Variants in EFHC1 observed in about 807,000 individuals in gnomAD.
EFHC1 encodes EF-hand domain containing 1, also known as EF-hand domain-containing protein 1.
In EFHC1, 53 loss-of-function variants were observed where a neutral mutation model predicts 69.9. That is an observed-to-expected ratio of 0.76 (90% confidence interval 0.61 to 0.95). The LOEUF is 0.95. EFHC1 is among the 40% of genes least tolerant of loss of function. EFHC1 has a pLI of 0.00. For missense variants in EFHC1, 739 were observed against 798.7 expected (o/e 0.93, Z 0.90); for synonymous variants, 256 against 278.4 (o/e 0.92, Z 0.80).
Position 52,493,645 on chromosome 6 carries a change from G to C in EFHC1, c.*1304G>C, listed in dbSNP as rs556879521. 2.2e-5 allele frequency: 10 copies of C among 449,344 alleles called. No homozygotes were observed. The highest frequency in any genetic ancestry group is 6.2e-5 in the African/African-American group (3 of 48,246). 27.8% of individuals were successfully genotyped at this position (449,344 alleles called of 1,614,324 possible). ...CCATCCAGCCTGGGTGACAGAGCAA[G>C]ACTCCATCTCAAAAAAAAAAAGGTT... is the stretch of plus-strand genomic sequence containing the variant. On this transcript the variant is annotated 3_prime_UTR_variant, in exon 11 of 11. Coordinates refer to ENST00000371068, the MANE Select transcript of EFHC1 (RefSeq NM_018100.4).
chr6:52,447,616 G>A (rs1305793418), intron 3 of EFHC1, among the ~76,000 whole-genome samples: 1 of 152,216 alleles, frequency 6.6e-6, no homozygotes, highest in East Asian at 1.9e-4. Context: ...TGCTGGCGAG[G>A]AGCTGCGTTC....
intron 10 of EFHC1, among the ~76,000 whole-genome samples, chr6:52,491,714 T>C (rs774193248): frequency 6.6e-5 from 10 of 152,292 alleles, no homozygotes; most frequent in Middle Eastern, 6.8e-3. Flanking sequence ...GTAACTATTT[T>C]AAAGGAAGGG....
chr6:52,473,002 C>CA (rs1427561517), intron 7 of EFHC1, among the ~76,000 whole-genome samples: 4 of 151,960 alleles, frequency 2.6e-5, no homozygotes, highest in Admixed American at 6.6e-5. Flanking sequence ...AAAATTAAGT[C>CA]AAAAAATCCA....
intron 2 of EFHC1, among the ~76,000 whole-genome samples, chr6:52,434,476 G>A (rs1275910134): frequency 2.0e-5 from 3 of 152,112 alleles, no homozygotes; most frequent in East Asian, 3.9e-4. Flanking sequence ...GTGTGTGTTC[G>A]GGGACAGATG....
At chr6:52,475,157 A>G (rs575361689) in intron 7 of EFHC1, among the ~76,000 whole-genome samples, 1 of 152,272 alleles carries the variant, frequency 6.6e-6, no homozygotes, top group South Asian at 2.1e-4. Context: ...TAATTTTCAG[A>G]TGTTTTCCCC....
intron 1 of EFHC1, among the ~76,000 whole-genome samples, chr6:52,420,824 C>G (rs1764173841): frequency 6.6e-6 from 1 of 152,062 alleles, no homozygotes. Context: ...CTGTTTCCCC[C>G]ACCCTACTCC....
intron 3 of EFHC1, among the ~76,000 whole-genome samples, chr6:52,446,063 A>G (rs1764777574): frequency 6.6e-6 from 1 of 152,172 alleles, no homozygotes; most frequent in African/African-American, 2.4e-5. Context: ...AGTTCTGTAG[A>G]TGTCTATTAG....
At position 52,490,072 on chromosome 6, in the gene EFHC1, T is replaced by G; in HGVS notation, c.1641-68T>G. The G allele has an allele frequency of 2.8e-6, 4 of 1,431,712 alleles. No homozygotes were observed. The South Asian group carries it at 4.7e-5, about 17-fold the overall frequency. The allele number at this position is 1,431,712 out of a possible 1,614,324, so 88.7% of individuals were successfully genotyped here. On this transcript the variant is annotated intron_variant, in intron 9 of 10. Transcript: ENST00000371068. ...TCCCTGATTTCATCAAGTAAGAACTTTGGTCACCGAGATGAGACTGATCAA... is the reference window on the plus strand; with the variant it reads ...TCCCTGATTTCATCAAGTAAGAACTGTGGTCACCGAGATGAGACTGATCAA...
Position 52,438,463 on chromosome 6 carries a change from A to G in EFHC1, c.445A>G (p.Ile149Val). 6.2e-7 allele frequency: 1 copy of G among 1,614,128 alleles called. No homozygotes were observed. The highest frequency in any genetic ancestry group is 8.5e-7 in the Non-Finnish European group (1 of 1,179,998). ...TTCTGGAATCCTTCAAGGCAAGTTA[A>G]TAAAACGCCAGCGGCTAGCCAAGAA... ...ENSGILQGKL[I>V]KRQRLAKNDR... is the part of the protein sequence containing the mutation. Residue 149 changes from isoleucine to valine, a missense_variant, in exon 3 of 11, where the codon ATA becomes GTA. Coordinates refer to ENST00000371068, the MANE Select transcript of EFHC1 (RefSeq NM_018100.4).
intron 2 of EFHC1, among the ~76,000 whole-genome samples, chr6:52,435,896 A>G (rs1277997103): frequency 6.6e-6 from 1 of 152,176 alleles, no homozygotes; most frequent in African/African-American, 2.4e-5. Flanking sequence ...AGCATTTGTT[A>G]CCTGAGAAGT....
rs932868321 is a variant in EFHC1, at chr6:52,483,808, A to T, written c.1640+4021A>T. On this transcript the variant is annotated intron_variant, in intron 9 of 10. Transcript: ENST00000371068. ...CATTATGTCAGATGGGGATTTAGCA[A>T]TATTAAGGGAATTGGGGACCTTGGA... The T allele has an allele frequency of 7.7e-4, 117 of 152,140 alleles. 1 individual carries two copies. Among genetic ancestry groups the T allele is most frequent in the Admixed American group, 7.5e-3 (115 of 15,270 alleles). 9.4% of individuals were successfully genotyped at this position (152,140 alleles called of 1,614,324 possible).
chr6:52,428,994 T>C (rs983735953), intron 2 of EFHC1, among the ~76,000 whole-genome samples: 3 of 152,242 alleles, frequency 2.0e-5, no homozygotes, highest in Admixed American at 6.5e-5. Context: ...ATATCTTCTT[T>C]TGAGAATTGT....
intron 2 of EFHC1, among the ~76,000 whole-genome samples, chr6:52,426,002 C>T (rs1230217850): frequency 6.6e-6 from 1 of 152,210 alleles, no homozygotes; most frequent in African/African-American, 2.4e-5. Context: ...GTTTCCCAGA[C>T]TGACTTCCAG....
At chr6:52,445,735 G>A (rs1764769653) in intron 3 of EFHC1, among the ~76,000 whole-genome samples, 1 of 152,134 alleles carries the variant, frequency 6.6e-6, no homozygotes, top group African/African-American at 2.4e-5. Context: ...CTTTAAATGT[G>A]TCCCAGAGAT....
chr6:52,490,057 C>A, intron 9 of EFHC1, 83 bp from the exon 10 acceptor site: 1 of 1,285,136 alleles, frequency 7.8e-7, no homozygotes, highest in Non-Finnish European at 1.1e-6. Flanking sequence ...TCCCTGATTT[C>A]ATCAAGTAAG....
chr6:52,493,927 T>C lies in EFHC1; in HGVS notation c.*1586T>C, dbSNP rs1765979111. The C allele has an allele frequency of 2.2e-6, 1 of 453,984 alleles. No homozygotes were observed. Among genetic ancestry groups the C allele is most frequent in the African/African-American group, 2.0e-5 (1 of 50,020 alleles). The allele number at this position is 453,984 out of a possible 1,614,324, so 28.1% of individuals were successfully genotyped here. On this transcript the variant is annotated 3_prime_UTR_variant, in exon 11 of 11. Transcript: ENST00000371068. ...AGAACTTCTAGGGAACTTCCCTTGG[T>C]GTTTCCTTCCCTAACGAGCTCAGCC...
At chr6:52,420,942 C>A in intron 1 of EFHC1, 1 of 961,762 alleles carries the variant, frequency 1.0e-6, no homozygotes, top group Non-Finnish European at 1.3e-6. Context: ...CAACCTCATT[C>A]CCACAGGTCC....
intron 5 of EFHC1, among the ~76,000 whole-genome samples, chr6:52,460,585 A>G (rs142790771): frequency 6.6e-6 from 1 of 152,218 alleles, no homozygotes; most frequent in East Asian, 1.9e-4. Flanking sequence ...AGTCAAATGT[A>G]AGAACACTAG....
At chr6:52,490,727 C>T (rs959141599) in intron 10 of EFHC1, 1 of 383,560 alleles carries the variant, frequency 2.6e-6, no homozygotes, top group African/African-American at 2.0e-5. Context: ...GATACCTACA[C>T]TGGCCCATCA....
Sources: gnomAD v4.1 joint callset for allele counts (sites outside exome capture counted in the v4.1 genomes callset) on GRCh38, gnomAD v4.1.1 for gene constraint, MANE v1.5 for transcripts, NCBI Gene and HGNC (gene_info 2026-07-23, HGNC 2026-07-21) for gene names.